Variants in CFAP20DC observed in about 807,000 individuals in gnomAD.
CFAP20DC encodes CFAP20 domain containing.
In CFAP20DC, 84 loss-of-function variants were observed where a neutral mutation model predicts 101.7. The ratio of observed to expected loss-of-function variants is 0.83; its 90% CI spans 0.69 to 0.99. CFAP20DC has a LOEUF of 0.99. Among genes scored for constraint, CFAP20DC ranks in the 50% least tolerant of loss-of-function variants. The pLI is 0.00. For missense variants in CFAP20DC, 1,007 were observed against 970.3 expected (o/e 1.04, Z -0.50); for synonymous variants, 359 against 351.2 (o/e 1.02, Z -0.25).
downstream of CFAP20DC, among the ~76,000 whole-genome samples, chr3:58,738,172 C>T (rs2067800786): frequency 6.6e-6 from 1 of 152,052 alleles, no homozygotes. The surrounding 1 kb of genome is among the most constrained non-coding windows in gnomAD (Gnocchi z 4.4). Context: ...CAGGTGATAA[C>T]AGGCAATTCT....
At chr3:58,736,249 A>G (rs1205341613) in intron 3 of CFAP20DC, among the ~76,000 whole-genome samples, 2 of 152,186 alleles carry the variant, frequency 1.3e-5, no homozygotes, top group Non-Finnish European at 2.9e-5. Flanking sequence ...TTTTAAAGGA[A>G]AAAGGAAGCT....
At chr3:58,760,127 G>A (rs1267449171) in intron 15 of CFAP20DC, among the ~76,000 whole-genome samples, 2 of 152,218 alleles carry the variant, frequency 1.3e-5, no homozygotes, top group African/African-American at 2.4e-5. Flanking sequence ...ACCTTGGGCA[G>A]TATGGCCATT....
intron 13 of CFAP20DC, among the ~76,000 whole-genome samples, chr3:58,840,321 G>C (rs1243707286): frequency 6.6e-6 from 1 of 152,102 alleles, no homozygotes; most frequent in African/African-American, 2.4e-5. Flanking sequence ...TTCTCACTAT[G>C]GTTAGCATTA....
At chr3:58,781,500 A>G (rs1464024282) in intron 15 of CFAP20DC, among the ~76,000 whole-genome samples, 33 of 152,122 alleles carry the variant, frequency 2.2e-4, no homozygotes, top group Admixed American at 1.8e-3. Context: ...AAGGATCAAC[A>G]AAACAAAAAG....
chr3:58,859,904 C>T lies in CFAP20DC; in HGVS notation c.1593+3654G>A, dbSNP rs907833453. 3.3e-5 allele frequency among the ~76,000 whole-genome samples: 5 copies of T among 152,168 alleles called. No homozygotes were observed. Among genetic ancestry groups the T allele is most frequent in the South Asian group, 2.1e-4 (1 of 4,830 alleles). ...AATTAAAAATCATTACTTGGCCAGG[C>T]GCGATGGCTCATGCCTGTAATCCCA... On this transcript the variant is annotated intron_variant, in intron 12 of 16. Transcript: ENST00000482387. The surrounding 1 kb of genome is among the most constrained non-coding windows in gnomAD (Gnocchi z 4.1).
At chr3:58,949,342 C>T (rs994659918) in intron 4 of CFAP20DC, among the ~76,000 whole-genome samples, 1 of 152,038 alleles carries the variant, frequency 6.6e-6, no homozygotes, top group Non-Finnish European at 1.5e-5. Flanking sequence ...AATGTGTTTG[C>T]TCTTGCTTCT....
At chr3:58,768,784 C>T (rs973015755) in intron 15 of CFAP20DC, among the ~76,000 whole-genome samples, 4 of 152,204 alleles carry the variant, frequency 2.6e-5, no homozygotes, top group African/African-American at 4.8e-5. Context: ...AAGCCACATC[C>T]GTAGTCTCTC....
At position 58,894,334 on chromosome 3, in the gene CFAP20DC, G is replaced by GC. The variant is rs986135128; in HGVS notation, c.551-9626dup. Among the ~76,000 whole-genome samples, 1 of 152,300 alleles carries GC rather than the reference G, an allele frequency of 6.6e-6. No homozygotes were observed. Among genetic ancestry groups the GC allele is most frequent in the African/African-American group, 2.4e-5 (1 of 41,572 alleles). ...TGCCTATGAGCCTGTAAAATCAAAA[G>GC]CAAGTTAGTTACTTCCTAGATACAA... On this transcript the variant is annotated intron_variant, in intron 6 of 16. Transcript: ENST00000482387. This position sits in a 1 kb window ranked among gnomAD's most constrained non-coding sequence, Gnocchi z 4.1.
At chr3:58,825,538 A>AAC (rs4020376) in intron 14 of CFAP20DC, among the ~76,000 whole-genome samples, 105 of 149,826 alleles carry the variant, frequency 7.0e-4, no homozygotes, top group African/African-American at 1.6e-3. Flanking sequence ...AAAAAAAGAA[A>AAC]ACACACACAC....
At chr3:59,025,740 C>G (rs569016480) in intron 4 of CFAP20DC, among the ~76,000 whole-genome samples, 7 of 152,240 alleles carry the variant, frequency 4.6e-5, no homozygotes, top group African/African-American at 1.7e-4. Flanking sequence ...ATTGATATGG[C>G]AATCATTTAA....
intron 4 of CFAP20DC, among the ~76,000 whole-genome samples, chr3:58,949,722 T>G (rs1036028426): frequency 3.9e-5 from 6 of 152,202 alleles, no homozygotes; most frequent in African/African-American, 1.4e-4. Context: ...CAAAAACCCT[T>G]CATGCTAAAA....
chr3:58,872,889 G>A (rs2080356450), intron 7 of CFAP20DC, among the ~76,000 whole-genome samples: 1 of 151,234 alleles, frequency 6.6e-6, no homozygotes, highest in South Asian at 2.1e-4. Flanking sequence ...ATGCTGTAAG[G>A]CAGCTGTTCA....
intron 4 of CFAP20DC, among the ~76,000 whole-genome samples, chr3:58,939,412 G>C (rs1373939710): frequency 6.6e-6 from 1 of 151,816 alleles, no homozygotes; most frequent in Non-Finnish European, 1.5e-5. Flanking sequence ...TTTATTAAAG[G>C]GCTACTGTGC....
Position 59,008,183 on chromosome 3 carries a change from C to T in CFAP20DC, c.278+31374G>A, listed in dbSNP as rs1272676112. On this transcript the variant is annotated intron_variant, in intron 4 of 16. Coordinates refer to ENST00000482387, the MANE Select transcript of CFAP20DC (RefSeq NM_001394063.1). The stretch of plus-strand genomic sequence containing the variant: ...GAGGAAGAGTCACAATTCCTCCCTA[C>T]TTGGAACATCAACATTCCTACAGAT... Among the ~76,000 whole-genome samples the T allele has an allele frequency of 1.3e-5, 2 of 152,162 alleles. 1 individual carries two copies. Among genetic ancestry groups the T allele is most frequent in the Admixed American group, 1.3e-4 (2 of 15,280 alleles).
At chr3:58,719,115 A>G in intron 3 of CFAP20DC, among the ~76,000 whole-genome samples, 1 of 152,094 alleles carries the variant, frequency 6.6e-6, no homozygotes, top group South Asian at 2.1e-4. Flanking sequence ...ATGGTGGCAC[A>G]CGCCTGTAGT....
rs542635891 is a variant in CFAP20DC at position 58,854,817 on chromosome 3, C to T, written c.1594-5408G>A. Among the ~76,000 whole-genome samples the T allele has an allele frequency of 3.3e-3, 488 of 146,156 alleles. 3 individuals are homozygous for T. The highest frequency in any genetic ancestry group is 0.01 in the Middle Eastern group (3 of 290). On this transcript the variant is annotated intron_variant, in intron 12 of 16. Transcript: ENST00000482387. ...GCTGAAACTGGATCCCTTCCTTACA[C>T]CTTATACAAAAATCAATTCAAGATG...
rs929031510 is a variant in CFAP20DC, at chr3:58,732,372, T to A, written c.198-14744A>T. Among the ~76,000 whole-genome samples the A allele has an allele frequency of 3.8e-4, 58 of 152,330 alleles. No individual in the cohort carries two copies. The highest frequency in any genetic ancestry group is 1.3e-3 in the African/African-American group (55 of 41,568). On this transcript the variant is annotated intron_variant, in intron 3 of 3. Coordinates refer to the CFAP20DC transcript ENST00000486145. This position sits in a 1 kb window ranked among gnomAD's most constrained non-coding sequence, Gnocchi z 5.4. ...ATAGAAACCTAAGTAGTACTTGTTA[T>A]GATAAAGTTGTAGATATTGTTTATA...
Position 58,732,090 on chromosome 3 carries a change from G to A in CFAP20DC, c.198-14462C>T, listed in dbSNP as rs1280924392. ...TGCAGTGAGAGCTCAATAAATGGTT[G>A]TGCTGACAATAAAGATGATGAGGAC... On this transcript the variant is annotated intron_variant, in intron 3 of 3. Transcript: ENST00000486145. The surrounding 1 kb of genome is among the most constrained non-coding windows in gnomAD (Gnocchi z 5.4). 6.6e-6 allele frequency among the ~76,000 whole-genome samples: 1 copy of A among 152,172 alleles called. No individual in the cohort carries two copies. The highest frequency in any genetic ancestry group is 1.9e-4 in the East Asian group (1 of 5,194).
At chr3:58,926,087 C>A (rs937517388) in intron 5 of CFAP20DC, among the ~76,000 whole-genome samples, 2 of 151,910 alleles carry the variant, frequency 1.3e-5, no homozygotes, top group East Asian at 1.9e-4. Flanking sequence ...ATATTCAGGC[C>A]AGGCACAGTG....
Sources: gnomAD v4.1 joint callset for allele counts (sites outside exome capture counted in the v4.1 genomes callset) on GRCh38, gnomAD v4.1.1 for gene constraint, Gnocchi (gnomAD v3.1) non-coding constraint, MANE v1.5 for transcripts, NCBI Gene and HGNC (gene_info 2026-07-23, HGNC 2026-07-21) for gene names.